The following FBXO15 variants were observed in gnomAD, a reference collection of about 807,000 sequenced individuals.
The protein encoded by FBXO15 is F-box protein 15.
FBXO15 carries 30 observed loss-of-function variants against 49.5 expected under a neutral mutation model. The ratio of observed to expected loss-of-function variants is 0.61; its 90% CI spans 0.45 to 0.82. The LOEUF is 0.82. Among genes scored for constraint, FBXO15 ranks in the 40% least tolerant of loss-of-function variants. The probability of loss-of-function intolerance (pLI) is 0.00; values close to 1 mark genes in which losing one functional copy is unlikely to be tolerated. For synonymous variants in FBXO15, 250 were observed against 232.7 expected, an observed-to-expected ratio of 1.07 and a Z score of -0.68; for missense variants, 591 against 631.5, an observed-to-expected ratio of 0.94 and a Z score of 0.69.
At chr18:74,100,525 C>T (rs1249451781) in intron 8 of FBXO15, among the ~76,000 whole-genome samples, 3 of 151,740 alleles carry the variant, frequency 2.0e-5, no homozygotes, top group Admixed American at 1.3e-4. Context: ...AAAGAACAAA[C>T]CAAACCCAAA....
chr18:74,109,807 C>T (rs1913928786), intron 8 of FBXO15, among the ~76,000 whole-genome samples: 1 of 151,140 alleles, frequency 6.6e-6, no homozygotes, highest in South Asian at 2.1e-4. Flanking sequence ...GGGCAGGGAA[C>T]ATCACACACC....
rs1421165297 is a variant in FBXO15, at chr18:74,141,773, TG to T, written c.117-1462del. On this transcript the variant is annotated intron_variant, in intron 1 of 9. Transcript: ENST00000419743. ...TTGCCCTAGGCATCAGCTGGCCAGG[TG>T]ACAGTGTAGCCTGGAGCCTACCGCA... 3.3e-5 allele frequency among the ~76,000 whole-genome samples: 5 copies of T among 152,254 alleles called. 1 individual carries two copies. Among genetic ancestry groups the T allele is most frequent in the African/African-American group, 1.2e-4 (5 of 41,546 alleles).
At chr18:74,142,230 G>A (rs545538055) in intron 1 of FBXO15, among the ~76,000 whole-genome samples, 1 of 152,172 alleles carries the variant, frequency 6.6e-6, no homozygotes, top group Non-Finnish European at 1.5e-5. Context: ...TGCTAATTGG[G>A]ACATTTTTGC....
In FBXO15 at chr18:74,147,703, GC is replaced by G. The variant is rs1416818024; in HGVS notation, c.82del (p.Ala28ArgfsTer26). The G allele has an allele frequency of 1.2e-4, 184 of 1,520,464 alleles. No homozygotes were observed. The highest frequency in any genetic ancestry group is 1.6e-4 in the Non-Finnish European group (180 of 1,137,394). 94.2% of individuals were successfully genotyped at this position (1,520,464 alleles called of 1,614,324 possible). A position where few individuals can be genotyped will look rare whatever the true frequency, so the allele number is the denominator to read the frequency against. ...TLRGPSRGGG[A>X]ARGRARAFGC... ...AAAGGCCCTGGCGCGCCCCCGGGCC[GC>G]GCCACCGCCCCTGCTGGGCCCGCGC... is the stretch of plus-strand genomic sequence containing the variant. On this transcript the variant is annotated frameshift_variant, in exon 1 of 10. Transcript: ENST00000419743. LOFTEE classifies it high-confidence loss of function.
Position 74,124,547 on chromosome 18 carries a change from T to C in FBXO15, c.937A>G (p.Met313Val), listed in dbSNP as rs770237926. 6.2e-7 allele frequency: 1 copy of C among 1,614,080 alleles called. No homozygotes were observed. The highest frequency in any genetic ancestry group is 8.5e-7 in the Non-Finnish European group (1 of 1,180,004). The stretch of plus-strand genomic sequence containing the variant: ...AGGTGATGAAAATGAAGATTTGCCA[T>C]AACAAAAGCCAGTTCTTCCTCCTTC... ...WKKEEELAFV[M>V]ANLHFHHLVE... The change falls in exon 7 of 10, where the codon ATG becomes GTG. Residue 313 changes from methionine (M) to valine (V), a missense_variant. By Grantham distance (21) the Met-to-Val change is conservative. Transcript: ENST00000419743.
At chr18:74,119,938 C>T (rs149274335) in intron 8 of FBXO15, among the ~76,000 whole-genome samples, 3 of 152,246 alleles carry the variant, frequency 2.0e-5, no homozygotes, top group Non-Finnish European at 4.4e-5. Context: ...GCATCTTGTT[C>T]CCCCATTTCC....
chr18:74,102,028 GA>G (rs1344893239), intron 8 of FBXO15, among the ~76,000 whole-genome samples: 1 of 151,904 alleles, frequency 6.6e-6, no homozygotes, highest in Non-Finnish European at 1.5e-5. Flanking sequence ...GATAACACTG[GA>G]AAAACCCTTC....
chr18:74,126,112 T>TA lies in FBXO15; in HGVS notation c.786-12dup, dbSNP rs552123996. On this transcript the variant is annotated splice_polypyrimidine_tract_variant and intron_variant, in intron 5 of 9. Transcript: ENST00000419743. Reference sequence around the variant, plus strand: ...GAATGCCATCGGAGTCTTTGAACGTTATGCCAAGGAAAGGAGAGAGAGAAG... The same window carrying TA: ...GAATGCCATCGGAGTCTTTGAACGTTAATGCCAAGGAAAGGAGAGAGAGAAG... The TA allele has an allele frequency of 2.3e-3, 3,760 of 1,613,130 alleles. 23 individuals carry two copies. The highest frequency in any genetic ancestry group is 0.011 in the Middle Eastern group (65 of 6,052).
chr18:74,117,718 C>T (rs776381857), intron 8 of FBXO15, among the ~76,000 whole-genome samples: 10 of 152,066 alleles, frequency 6.6e-5, no homozygotes, highest in Non-Finnish European at 8.8e-5. Flanking sequence ...TGAAATAACA[C>T]GAAACATTTA....
chr18:74,142,530 G>A (rs1979144642), intron 1 of FBXO15, among the ~76,000 whole-genome samples: 1 of 152,182 alleles, frequency 6.6e-6, no homozygotes, highest in South Asian at 2.1e-4. Context: ...AGGCTCTAGA[G>A]AGGATCATTC....
chr18:74,092,523 G>A (rs1179264419), intron 8 of FBXO15, among the ~76,000 whole-genome samples: 5 of 152,080 alleles, frequency 3.3e-5, no homozygotes, highest in Admixed American at 6.5e-5. Context: ...TTCAATCTTC[G>A]AAGTTGCTGT....
At chr18:74,079,427 A>G (rs1235540342) in intron 9 of FBXO15, among the ~76,000 whole-genome samples, 1 of 152,216 alleles carries the variant, frequency 6.6e-6, no homozygotes, top group African/African-American at 2.4e-5. Flanking sequence ...GCATCTTTAA[A>G]TGAAAAGTTC....
intron 9 of FBXO15, among the ~76,000 whole-genome samples, chr18:74,079,154 G>A (rs1023122657): frequency 6.6e-6 from 1 of 152,142 alleles, no homozygotes; most frequent in African/African-American, 2.4e-5. Context: ...AAATGCCAAG[G>A]AGTGAAAGAA....
At chr18:74,096,352 G>A (rs534152759) in intron 8 of FBXO15, among the ~76,000 whole-genome samples, 1 of 152,098 alleles carries the variant, frequency 6.6e-6, no homozygotes, top group South Asian at 2.1e-4. Flanking sequence ...CAAACCCCTA[G>A]CCAGCCTTCT....
At position 74,123,403 on chromosome 18, in the gene FBXO15, A is replaced by C; in HGVS notation, c.1103T>G (p.Leu368Arg). 2 of 1,613,824 alleles carry C rather than the reference A, an allele frequency of 1.2e-6. No homozygotes were observed. The highest frequency in any genetic ancestry group is 1.7e-6 in the Non-Finnish European group (2 of 1,179,894). The change falls in exon 8 of 10, where the codon CTA (leucine) becomes CGA (arginine). Residue 368 changes from leucine to arginine, a missense_variant. By Grantham distance (102) the Leu-to-Arg change is moderately radical. Transcript: ENST00000419743. ...VDLHSGGVFY[L>R]CGTFRNLFTK... The stretch of plus-strand genomic sequence containing the variant: ...GAAGAGATTGCGAAATGTACCACAT[A>C]GGTAGAAAACCCCACCGCTGTGCAG...
chr18:74,100,490 G>A (rs1279521345), intron 8 of FBXO15, among the ~76,000 whole-genome samples: 1 of 151,782 alleles, frequency 6.6e-6, no homozygotes, highest in Non-Finnish European at 1.5e-5. Flanking sequence ...ACAATCTAAG[G>A]TCATACCTCA....
Position 74,147,698 on chromosome 18 carries a change from G to A in FBXO15, c.88C>T (p.Arg30Trp), listed in dbSNP as rs1979536246. 2.0e-6 allele frequency: 3 copies of A among 1,519,386 alleles called. No individual in the cohort carries two copies. Among genetic ancestry groups the A allele is most frequent in the Non-Finnish European group, 8.8e-7 (1 of 1,137,010 alleles). 94.1% of individuals were successfully genotyped at this position (1,519,386 alleles called of 1,614,324 possible). The change falls in exon 1 of 10, where the codon CGG (arginine) becomes TGG (tryptophan). Residue 30 changes from arginine to tryptophan, a missense_variant. Physicochemically the swap from Arg to Trp is moderately radical, Grantham distance 101. Coordinates refer to ENST00000419743, the MANE Select transcript of FBXO15 (RefSeq NM_001142958.2). ...CACCCAAAGGCCCTGGCGCGCCCCC[G>A]GGCCGCGCCACCGCCCCTGCTGGGC... is the stretch of plus-strand genomic sequence containing the variant. ...RGPSRGGGAA[R>W]GRARAFGCRK...
At chr18:74,135,727 A>G in intron 3 of FBXO15, 35 bp downstream of exon 3, 1 of 1,530,168 alleles carries the variant, frequency 6.5e-7, no homozygotes, top group South Asian at 1.2e-5. Flanking sequence ...TCAAACTGTC[A>G]TCAAAACATA....
chr18:74,123,754 G>A (rs767709580), intron 7 of FBXO15, among the ~76,000 whole-genome samples: 1 of 151,964 alleles, frequency 6.6e-6, no homozygotes, highest in Non-Finnish European at 1.5e-5. Flanking sequence ...GCCCAGCACG[G>A]GTGCACATGT....
Sources: allele counts gnomAD v4.1 joint callset (sites outside exome capture counted in the v4.1 genomes callset), GRCh38; gene constraint gnomAD v4.1.1; transcripts MANE v1.5; gene names NCBI Gene and HGNC (gene_info 2026-07-23, HGNC 2026-07-21).